CREBRF: variants seen among roughly 807,000 people sequenced by gnomAD.
CREBRF encodes CREB3 regulatory factor, also known as UPF0474 protein C5orf41.
In CREBRF, 5 loss-of-function variants were observed where a neutral mutation model predicts 66.1. That is an observed-to-expected ratio of 0.08 (90% CI 0.04 to 0.16). The LOEUF (loss-of-function observed/expected upper bound fraction) is 0.16, where lower values mean the gene tolerates loss of function less well. CREBRF is among the 10% of genes least tolerant of loss of function. The probability of loss-of-function intolerance (pLI) is 1.00; values close to 1 mark genes in which losing one functional copy is unlikely to be tolerated. For missense variants in CREBRF, 531 were observed against 744.9 expected (o/e 0.71, Z 3.34); for synonymous variants, 229 against 264.4 (o/e 0.87, Z 1.30).
At chr5:173,085,126 A>G (rs1758105911) in intron 2 of CREBRF, among the ~76,000 whole-genome samples, 2 of 151,772 alleles carry the variant, frequency 1.3e-5, no homozygotes, top group African/African-American at 2.4e-5. Context: ...TATTTTTAGT[A>G]GAGACAGGGT....
chr5:173,092,464 A>T, intron 4 of CREBRF: 1 of 969,924 alleles, frequency 1.0e-6, no homozygotes, highest in Non-Finnish European at 1.2e-6. Context: ...CAGTTTATTT[A>T]TAAAAATAGT....
At position 173,138,577 on chromosome 5, in the gene CREBRF, T is replaced by A. The variant is rs1759639886; in HGVS notation, c.*4832T>A. On this transcript the variant is annotated 3_prime_UTR_variant, in exon 9 of 9. Coordinates refer to ENST00000296953, the MANE Select transcript of CREBRF (RefSeq NM_153607.3). ...GTGAAGAACATCAAAGTTGGGTATTTCAATGTGCCAAGTTTGGGTGAACTA... is the reference window on the plus strand; with the variant it reads ...GTGAAGAACATCAAAGTTGGGTATTACAATGTGCCAAGTTTGGGTGAACTA... 1 of 152,164 alleles carries A rather than the reference T, an allele frequency of 6.6e-6. No individual in the cohort carries two copies. Among genetic ancestry groups the A allele is most frequent in the Non-Finnish European group, 1.5e-5 (1 of 68,026 alleles). 9.4% of individuals were successfully genotyped at this position (152,164 alleles called of 1,614,324 possible). A position where few individuals can be genotyped will look rare whatever the true frequency, so the allele number is the denominator to read the frequency against.
intron 2 of CREBRF, among the ~76,000 whole-genome samples, chr5:173,084,342 A>G (rs1758061692): frequency 6.6e-6 from 1 of 152,224 alleles, no homozygotes; most frequent in Non-Finnish European, 1.5e-5. Context: ...CAACACACCA[A>G]GATGTCCCAG....
intron 1 of CREBRF, among the ~76,000 whole-genome samples, chr5:173,077,184 A>G (rs1365883650): frequency 6.6e-6 from 1 of 152,096 alleles, no homozygotes; most frequent in Non-Finnish European, 1.5e-5. Context: ...AACTCGACTA[A>G]TTCGCCTGCC....
intron 3 of CREBRF, among the ~76,000 whole-genome samples, chr5:173,089,191 CA>C (rs766344325): frequency 0.019 from 2,281 of 120,646 alleles, 20 homozygotes; most frequent in Non-Finnish European, 0.031. Flanking sequence ...AAAAAAAAAA[CA>C]AAAAAAAAAA....
At chr5:173,062,019 A>G (rs1404562189) in intron 1 of CREBRF, among the ~76,000 whole-genome samples, 1 of 152,234 alleles carries the variant, frequency 6.6e-6, no homozygotes, top group South Asian at 2.1e-4. Context: ...TTCTAGATCT[A>G]GCTAACCTAG....
chr5:173,115,934 C>T (rs1758979402), intron 7 of CREBRF, among the ~76,000 whole-genome samples: 1 of 152,184 alleles, frequency 6.6e-6, no homozygotes. Flanking sequence ...TAAATTGTCC[C>T]TCTCACTTTC....
chr5:173,109,896 T>A (rs1758833948), intron 5 of CREBRF: 1 of 153,534 alleles, frequency 6.5e-6, no homozygotes, highest in Non-Finnish European at 1.4e-5. Context: ...TAATCCCAAG[T>A]AGCATATGAA....
In CREBRF at chr5:173,079,467, A is replaced by T. The variant is rs73806208; in HGVS notation, c.-191-1118A>T. Among the ~76,000 whole-genome samples, 311 of 93,504 alleles carry T rather than the reference A, an allele frequency of 3.3e-3. 1 individual carries two copies. Among genetic ancestry groups the T allele is most frequent in the South Asian group, 0.012 (28 of 2,308 alleles). The allele number at this position is 93,504 out of a possible 152,430, so 61.3% of individuals were successfully genotyped here. A position where few individuals can be genotyped will look rare whatever the true frequency, so the allele number is the denominator to read the frequency against. ...GACAGAGTGAGACTCTGTCTTTTTT[A>T]AAAAAAAAAAAAAAAAAGGAAATTA... On this transcript the variant is annotated intron_variant, in intron 1 of 8. Coordinates refer to ENST00000296953, the MANE Select transcript of CREBRF (RefSeq NM_153607.3).
intron 7 of CREBRF, among the ~76,000 whole-genome samples, chr5:173,119,987 C>G (rs1367734470): frequency 6.6e-6 from 1 of 152,030 alleles, no homozygotes; most frequent in Non-Finnish European, 1.5e-5. Context: ...ATATATCTTC[C>G]TTTTTATATT....
intron 1 of CREBRF, among the ~76,000 whole-genome samples, chr5:173,069,401 G>A (rs1337174871): frequency 2.0e-5 from 3 of 151,662 alleles, no homozygotes; most frequent in African/African-American, 2.4e-5. Context: ...GTGCAGTGCC[G>A]CAATCTCTAC....
intron 4 of CREBRF, among the ~76,000 whole-genome samples, chr5:173,107,698 G>T (rs1370738644): frequency 1.3e-5 from 2 of 152,172 alleles, no homozygotes; most frequent in Admixed American, 1.3e-4. Flanking sequence ...AGCTGGGCTA[G>T]GCATGGTGGC....
intron 1 of CREBRF, among the ~76,000 whole-genome samples, chr5:173,077,179 G>A (rs1228981787): frequency 6.6e-6 from 1 of 151,700 alleles, no homozygotes; most frequent in African/African-American, 2.4e-5. Flanking sequence ...TCCTGAACTC[G>A]ACTAATTCGC....
chr5:173,091,503 G>A, intron 4 of CREBRF, 102 bp downstream of exon 4: 2 of 1,505,956 alleles, frequency 1.3e-6, no homozygotes, highest in Non-Finnish European at 1.8e-6. Context: ...CTTTATTTTA[G>A]TTTGGGAATT....
intron 4 of CREBRF, chr5:173,092,363 T>C: frequency 1.0e-6 from 1 of 985,316 alleles, no homozygotes; most frequent in Non-Finnish European, 1.2e-6. Context: ...ACAGCGCATA[T>C]AAATAAAAGG....
rs758193769 is a variant in CREBRF, at chr5:173,090,647, C to T, written c.468C>T (p.Tyr156=). 28 of 1,613,994 alleles carry T rather than the reference C, an allele frequency of 1.7e-5. No individual in the cohort carries two copies. Among genetic ancestry groups the T allele is most frequent in the African/African-American group, 2.7e-5 (2 of 74,892 alleles). ...DSQSVSDSLY[Y]PDSLFSVKQN... ...AGTCTGTTTCTGATTCCCTTTATTA[C>T]CCCGATTCACTTTTCAGTGTCAAAC... The change falls in exon 4 of 9, where the codon TAC becomes TAT. Residue 156 remains tyrosine (Y), a synonymous_variant. Transcript: ENST00000296953. This position sits in a 1 kb window ranked among gnomAD's most constrained non-coding sequence, Gnocchi z 4.5.
intron 4 of CREBRF, among the ~76,000 whole-genome samples, chr5:173,105,861 G>A (rs990580762): frequency 1.1e-4 from 15 of 135,544 alleles, no homozygotes; most frequent in Non-Finnish European, 1.6e-4. Context: ...CTCCTGATCC[G>A]CCCGCCTCGG....
At chr5:173,100,131 AT>A (rs1184133658) in intron 4 of CREBRF, among the ~76,000 whole-genome samples, 245 of 42,856 alleles carry the variant, frequency 5.7e-3, no homozygotes, top group Admixed American at 0.025. Context: ...TATATATATA[AT>A]TTTTTTTTTT....
chr5:173,107,801 C>CA (rs956551045), intron 4 of CREBRF, among the ~76,000 whole-genome samples: 2 of 151,162 alleles, frequency 1.3e-5, no homozygotes, highest in African/African-American at 4.9e-5. Context: ...CATAGTGAGA[C>CA]CTCTGTCTCT....
Sources: gnomAD v4.1 joint callset for allele counts (sites outside exome capture counted in the v4.1 genomes callset) on GRCh38, gnomAD v4.1.1 for gene constraint, Gnocchi (gnomAD v3.1) non-coding constraint, MANE v1.5 for transcripts, NCBI Gene and HGNC (gene_info 2026-07-23, HGNC 2026-07-21) for gene names.